Variants in DPYD observed in about 807,000 individuals in gnomAD.
The protein encoded by DPYD is dihydropyrimidine dehydrogenase.
Under a neutral mutation model 116.2 loss-of-function variants are expected in DPYD, and 109 were observed. The ratio of observed to expected loss-of-function variants is 0.94; its 90% CI spans 0.80 to 1.10. DPYD has a LOEUF of 1.10. Among genes scored for constraint, DPYD ranks in the 50% least tolerant of loss-of-function variants. DPYD has a pLI of 0.00. For synonymous variants in DPYD, 440 were observed against 432.0 expected (o/e 1.02, Z -0.23); for missense variants, 1,302 against 1,254.5 (o/e 1.04, Z -0.57).
chr1:97,196,126 G>A (rs957501131), intron 19 of DPYD, among the ~76,000 whole-genome samples: 1 of 151,966 alleles, frequency 6.6e-6, no homozygotes, highest in African/African-American at 2.4e-5. Context: ...TTGAGACAGA[G>A]TCTTGCTCTG....
intron 3 of DPYD, among the ~76,000 whole-genome samples, chr1:97,746,789 ATTT>A (rs1201710413): frequency 6.6e-6 from 1 of 152,116 alleles, no homozygotes; most frequent in Non-Finnish European, 1.5e-5. Flanking sequence ...GTACTTAATA[ATTT>A]CTGAATCTAC....
chr1:97,601,149 A>C (rs890779587), intron 8 of DPYD, among the ~76,000 whole-genome samples: 1 of 152,138 alleles, frequency 6.6e-6, no homozygotes, highest in Non-Finnish European at 1.5e-5. Context: ...ATTGAATAAA[A>C]TTGCTTAATC....
chr1:97,215,082 T>A (rs1441908900), intron 19 of DPYD, among the ~76,000 whole-genome samples: 1 of 152,210 alleles, frequency 6.6e-6, no homozygotes, highest in African/African-American at 2.4e-5. Context: ...AATTAATAGC[T>A]TGCATCTGTG....
At chr1:97,430,263 C>T (rs1332112629) in intron 14 of DPYD, among the ~76,000 whole-genome samples, 1 of 152,060 alleles carries the variant, frequency 6.6e-6, no homozygotes, top group Non-Finnish European at 1.5e-5. Context: ...AGAATGAAGT[C>T]GTACCCTTGG....
chr1:97,551,687 G>A (rs1271950771), intron 11 of DPYD, among the ~76,000 whole-genome samples: 1 of 152,004 alleles, frequency 6.6e-6, no homozygotes, highest in African/African-American at 2.4e-5. Context: ...AGCAAGGTAG[G>A]AATAATTCCT....
At chr1:97,193,861 G>A (rs1024585171) in intron 19 of DPYD, among the ~76,000 whole-genome samples, 1 of 152,116 alleles carries the variant, frequency 6.6e-6, no homozygotes, top group African/African-American at 2.4e-5. Flanking sequence ...TGGCTAGAAG[G>A]CCTTTCTTTT....
intron 15 of DPYD, among the ~76,000 whole-genome samples, chr1:97,380,737 T>C (rs935124012): frequency 2.6e-5 from 4 of 152,230 alleles, no homozygotes; most frequent in African/African-American, 9.6e-5. Flanking sequence ...GAAATGTATA[T>C]GTTAGGTAGT....
At chr1:97,554,568 C>T (rs898015135) in intron 11 of DPYD, among the ~76,000 whole-genome samples, 6 of 152,028 alleles carry the variant, frequency 3.9e-5, no homozygotes, top group African/African-American at 1.4e-4. Flanking sequence ...TGTGCTGAGG[C>T]AGTAATCTCA....
chr1:97,177,566 C>CTTTT (rs77118571), intron 20 of DPYD, among the ~76,000 whole-genome samples: 2 of 135,188 alleles, frequency 1.5e-5, no homozygotes, highest in Admixed American at 7.5e-5. Flanking sequence ...TTCTTTCTTT[C>CTTTT]TTTTTTTTTT....
intron 20 of DPYD, among the ~76,000 whole-genome samples, chr1:97,139,911 T>C (rs1654087187): frequency 1.3e-5 from 2 of 152,144 alleles, no homozygotes; most frequent in Non-Finnish European, 1.5e-5. Context: ...GTGCTGTAAT[T>C]TTCTCTGCTC....
Position 97,373,650 on chromosome 1 carries a change from A to C in DPYD, c.1975-6T>G. 1 of 1,612,652 alleles carries C rather than the reference A, an allele frequency of 6.2e-7. No homozygotes were observed. The highest frequency in any genetic ancestry group is 8.5e-7 in the Non-Finnish European group (1 of 1,178,776). ...AGGGCATCTGCTCCAGAATCCTTTA[A>C]ACAAGAAAGGAAAATGAAAGAAAAG... is the stretch of plus-strand genomic sequence containing the variant. On this transcript the variant is annotated splice_polypyrimidine_tract_variant and splice_region_variant and intron_variant, in intron 15 of 22. Transcript: ENST00000370192.
rs1417630801 is a variant in DPYD at position 97,450,109 on chromosome 1, C to T, written c.1855G>A (p.Ala619Thr). 1.2e-6 allele frequency: 2 copies of T among 1,613,990 alleles called. No individual in the cohort carries two copies. The highest frequency in any genetic ancestry group is 2.2e-5 in the South Asian group (2 of 91,086). The change falls in exon 14 of 23, where the codon GCA becomes ACA. Residue 619 changes from alanine to threonine, a missense_variant. Transcript: ENST00000370192. ...TCAGTGACACTTTGACACCAATATG[C>T]AGCCGTTTTCTCACTGATGAGCTCA... ...NIELISEKTAAYWCQSVTELK... is the reference protein window; with the variant it reads ...NIELISEKTATYWCQSVTELK...
intron 16 of DPYD, among the ~76,000 whole-genome samples, chr1:97,332,026 A>T (rs150106900): frequency 6.6e-6 from 1 of 152,212 alleles, no homozygotes; most frequent in Non-Finnish European, 1.5e-5. Flanking sequence ...TCCAGGTCCT[A>T]TGAATTCCAT....
At chr1:97,701,013 A>G (rs1458022479) in intron 5 of DPYD, among the ~76,000 whole-genome samples, 1 of 151,092 alleles carries the variant, frequency 6.6e-6, no homozygotes, top group Non-Finnish European at 1.5e-5. Flanking sequence ...AAGATGGTAA[A>G]TATAAATGTC....
At position 97,487,350 on chromosome 1, in the gene DPYD, T is replaced by C. The variant is rs147182548; in HGVS notation, c.1740+28376A>G. Among the ~76,000 whole-genome samples, 58 of 152,298 alleles carry C rather than the reference T, an allele frequency of 3.8e-4. No homozygotes were observed. In the East Asian group the frequency reaches 0.01, roughly 27 times the overall value. ...AATAAGCATGTGAAAAGACGTTCAA[T>C]GTCATTGCACATTAGAGAAATTCAT... is the stretch of plus-strand genomic sequence containing the variant. On this transcript the variant is annotated intron_variant, in intron 13 of 22. Transcript: ENST00000370192.
At position 97,401,767 on chromosome 1, in the gene DPYD, G is replaced by C. The variant is rs535357374; in HGVS notation, c.1906-19306C>G. ...TCTTGTAGGAATTTTATATTTTTGT[G>C]CTTTACATTTAGATGTATGATCCAT... On this transcript the variant is annotated intron_variant, in intron 14 of 22. Coordinates refer to ENST00000370192, the MANE Select transcript of DPYD (RefSeq NM_000110.4). Among the ~76,000 whole-genome samples, 49 of 152,122 alleles carry C rather than the reference G, an allele frequency of 3.2e-4. 1 individual carries two copies. The highest frequency in any genetic ancestry group is 1.7e-3 in the East Asian group (9 of 5,154).
chr1:97,670,232 G>A (rs967920633), intron 8 of DPYD, among the ~76,000 whole-genome samples: 15 of 152,110 alleles, frequency 9.9e-5, no homozygotes, highest in Non-Finnish European at 1.3e-4. Context: ...AGAGGACAAT[G>A]CAGACCTATA....
At chr1:97,587,721 G>C (rs2102235331) in intron 10 of DPYD, among the ~76,000 whole-genome samples, 1 of 151,580 alleles carries the variant, frequency 6.6e-6, no homozygotes, top group Non-Finnish European at 1.5e-5. Flanking sequence ...CAGCTACTCA[G>C]GAGGCTGCAG....
At chr1:97,358,067 T>C (rs577739778) in intron 16 of DPYD, among the ~76,000 whole-genome samples, 61 of 152,310 alleles carry the variant, frequency 4.0e-4, no homozygotes, top group Admixed American at 4.0e-3. Context: ...CCGTGAGAGA[T>C]GGCACCTGGA....
Sources: gnomAD v4.1 joint callset for allele counts (sites outside exome capture counted in the v4.1 genomes callset) on GRCh38, gnomAD v4.1.1 for gene constraint, MANE v1.5 for transcripts, NCBI Gene and HGNC (gene_info 2026-07-23, HGNC 2026-07-21) for gene names.